Variants in C2CD3 observed in about 807,000 individuals in gnomAD.
C2CD3 encodes the protein C2 domain containing 3 centriole elongation regulator.
Under a neutral mutation model 234.0 loss-of-function variants are expected in C2CD3, and 148 were observed. The ratio of observed to expected loss-of-function variants is 0.63; its 90% confidence interval spans 0.55 to 0.72. C2CD3 has a LOEUF of 0.72. Among genes scored for constraint, C2CD3 ranks in the 30% least tolerant of loss-of-function variants. C2CD3 has a pLI of 0.00. For missense variants in C2CD3, 2,577 were observed against 2,811.5 expected (o/e 0.92, Z 1.89); for synonymous variants, 1,000 against 1,035.4 (o/e 0.97, Z 0.66).
In C2CD3 at chr11:74,028,341, G is replaced by A. The variant is rs1952389171; in HGVS notation, c.6867C>T (p.Ser2289=). ...FFLPPQQLEA[S]LRMLSLSATL... ...TTGCTGAGAGTGAAAGCATCCGCAG[G>A]GAAGCCTCCAACTGCTGGGGAGGCA... Residue 2289 remains serine, a synonymous_variant, in exon 32 of 33, where the codon TCC becomes TCT. Transcript: ENST00000334126. 7 of 1,535,962 alleles carry A rather than the reference G, an allele frequency of 4.6e-6. No homozygotes were observed. The African/African-American group carries it at 6.8e-5, about 15-fold the overall frequency.
intron 32 of C2CD3, among the ~76,000 whole-genome samples, chr11:74,025,000 ATGT>A (rs1418634422): frequency 2.6e-5 from 4 of 152,178 alleles, no homozygotes; most frequent in Non-Finnish European, 4.4e-5. Flanking sequence ...AAACAATGGA[ATGT>A]TGTTAAGGGC....
chr11:74,064,914 T>G (rs1954434608), intron 24 of C2CD3, among the ~76,000 whole-genome samples: 1 of 152,080 alleles, frequency 6.6e-6, no homozygotes, highest in African/African-American at 2.4e-5. Context: ...ATACAAAAAT[T>G]AATTCAAGAT....
intron 19 of C2CD3, chr11:74,091,188 C>T (rs35534902): frequency 0.03 from 10,757 of 354,266 alleles, 237 homozygotes; most frequent in Non-Finnish European, 0.041. Context: ...GATTACACAA[C>T]TACTGAAGGC....
intron 20 of C2CD3, among the ~76,000 whole-genome samples, chr11:74,088,390 C>T (rs939221301): frequency 2.6e-5 from 4 of 152,198 alleles, no homozygotes; most frequent in African/African-American, 7.2e-5. Flanking sequence ...TGTCTGATTT[C>T]TAGAACAGTT....
intron 24 of C2CD3, among the ~76,000 whole-genome samples, chr11:74,074,029 G>T (rs1263374762): frequency 6.6e-6 from 1 of 152,238 alleles, no homozygotes; most frequent in African/African-American, 2.4e-5. Context: ...ATAAGGAAAA[G>T]AGAAGTATCT....
intron 20 of C2CD3, among the ~76,000 whole-genome samples, chr11:74,087,104 G>GA (rs1158916386): frequency 6.6e-6 from 1 of 151,712 alleles, no homozygotes; most frequent in South Asian, 2.1e-4. Context: ...TCATTTCTAA[G>GA]AAAAAAAGAA....
chr11:74,116,772 ATAT>A lies in C2CD3; in HGVS notation c.1520+1453_1520+1455del, dbSNP rs1956940543. Among the ~76,000 whole-genome samples the A allele has an allele frequency of 2.7e-5, 4 of 148,942 alleles. No individual in the cohort carries two copies. In the East Asian group the frequency reaches 8.2e-4, roughly 31 times the overall value. ...TGGATAAAGAAATTGTGGTATACAT[ATAT>A]GTGTGTATATATATACACACACACA... On this transcript the variant is annotated intron_variant, in intron 9 of 32. Transcript: ENST00000334126.
intron 2 of C2CD3, chr11:74,164,225 A>G (rs1169527465): frequency 3.1e-6 from 3 of 957,930 alleles, no homozygotes; most frequent in East Asian, 1.2e-4. Flanking sequence ...TGTCTTTCAC[A>G]TTCCTACTAA....
rs555192896 is a variant in C2CD3 at position 74,104,086 on chromosome 11, A to G, written c.2086-461T>C. 3.3e-5 allele frequency among the ~76,000 whole-genome samples: 5 copies of G among 152,330 alleles called. No homozygotes were observed. In the South Asian group the frequency reaches 8.3e-4, roughly 25 times the overall value. Reference sequence around the variant, plus strand: ...ATGCCAATTAATAAATGCAAAAGAGACGGTAGAGTTAGAAATCACCATTTG... The same window carrying G: ...ATGCCAATTAATAAATGCAAAAGAGGCGGTAGAGTTAGAAATCACCATTTG... On this transcript the variant is annotated intron_variant, in intron 13 of 32. Transcript: ENST00000334126.
At chr11:74,060,240 G>A (rs903037943) in intron 24 of C2CD3, among the ~76,000 whole-genome samples, 1 of 152,228 alleles carries the variant, frequency 6.6e-6, no homozygotes, top group African/African-American at 2.4e-5. Context: ...AGACTTAAAC[G>A]TCCCTGTCTG....
intron 3 of C2CD3, among the ~76,000 whole-genome samples, chr11:74,146,818 C>T (rs913068938): frequency 1.3e-5 from 2 of 151,300 alleles, no homozygotes; most frequent in African/African-American, 2.4e-5. Flanking sequence ...TTTGGGAGGC[C>T]GAGGTGGGCA....
intron 32 of C2CD3, among the ~76,000 whole-genome samples, chr11:74,013,775 G>A (rs1459324435): frequency 6.6e-6 from 1 of 152,210 alleles, no homozygotes; most frequent in African/African-American, 2.4e-5. Context: ...ACAGCTCTGA[G>A]TAGCAGAGCT....
chr11:74,076,387 G>T (rs1955042871), intron 23 of C2CD3, among the ~76,000 whole-genome samples: 1 of 152,182 alleles, frequency 6.6e-6, no homozygotes, highest in South Asian at 2.1e-4. Flanking sequence ...TAGAGTGGGG[G>T]AAATAACAAC....
At chr11:74,058,641 A>T (rs1173114454) in intron 24 of C2CD3, among the ~76,000 whole-genome samples, 1 of 152,126 alleles carries the variant, frequency 6.6e-6, no homozygotes, top group Non-Finnish European at 1.5e-5. Context: ...GGGGTTAACA[A>T]ATGTAAAATA....
intron 7 of C2CD3, among the ~76,000 whole-genome samples, chr11:74,123,924 T>C (rs1237470004): frequency 6.6e-6 from 1 of 152,022 alleles, no homozygotes; most frequent in Non-Finnish European, 1.5e-5. Context: ...TTTTTAGAGA[T>C]GGGGTTTCAC....
chr11:74,167,672 TGATA>T (rs1256692346), intron 2 of C2CD3, among the ~76,000 whole-genome samples: 1 of 152,372 alleles, frequency 6.6e-6, no homozygotes, highest in East Asian at 1.9e-4. Context: ...TGAATTGACT[TGATA>T]AATAACCCCA....
chr11:74,116,883 C>CATAT (rs1257527086), intron 9 of C2CD3, among the ~76,000 whole-genome samples: 1 of 119,998 alleles, frequency 8.3e-6, no homozygotes, highest in Non-Finnish European at 1.7e-5. Context: ...TGTATATATA[C>CATAT]ACACGTGTAT....
At chr11:74,082,226 C>T (rs924753520) in intron 22 of C2CD3, among the ~76,000 whole-genome samples, 1 of 151,898 alleles carries the variant, frequency 6.6e-6, no homozygotes, top group Non-Finnish European at 1.5e-5. Flanking sequence ...TGCCATTCTC[C>T]TGCCTCAGCC....
chr11:74,016,774 A>C (rs1371727150), intron 32 of C2CD3: 1 of 152,230 alleles, frequency 6.6e-6, no homozygotes, highest in African/African-American at 2.4e-5. Flanking sequence ...CATTCCTCTG[A>C]AATACTCCTA....
Sources: gnomAD v4.1 joint callset for allele counts (sites outside exome capture counted in the v4.1 genomes callset) on GRCh38, gnomAD v4.1.1 for gene constraint, MANE v1.5 for transcripts, NCBI Gene and HGNC (gene_info 2026-07-23, HGNC 2026-07-21) for gene names.